Variants in SEC14L1 observed in about 807,000 individuals in gnomAD.
SEC14L1 encodes the protein SEC14-like protein 1.
A neutral mutation model predicts 85.3 loss-of-function variants in SEC14L1; 48 were observed. That is an observed-to-expected ratio of 0.56 (90% CI 0.45 to 0.72). The LOEUF (loss-of-function observed/expected upper bound fraction) is 0.72. Among genes scored for constraint, SEC14L1 ranks in the 30% least tolerant of loss-of-function variants. SEC14L1 has a pLI of 0.00. For missense variants in SEC14L1, 682 were observed against 921.4 expected (o/e 0.74, Z 3.36); for synonymous variants, 391 against 355.5 (o/e 1.10, Z -1.12).
At chr17:77,089,472 A>C (rs201524670) in intron 2 of SEC14L1, 9 of 518,726 alleles carry the variant, frequency 1.7e-5, no homozygotes, top group Non-Finnish European at 1.5e-5. Context: ...TTTGATGATC[A>C]TGTATGATAC....
intron 9 of SEC14L1, among the ~76,000 whole-genome samples, chr17:77,203,064 T>A (rs1296101680): frequency 1.3e-5 from 2 of 152,182 alleles, no homozygotes; most frequent in Non-Finnish European, 2.9e-5. Flanking sequence ...TTAAAAAGCT[T>A]TCATTCAGTT....
chr17:77,096,359 C>T (rs1295127117), intron 3 of SEC14L1, among the ~76,000 whole-genome samples: 2 of 144,568 alleles, frequency 1.4e-5, no homozygotes. Flanking sequence ...GAGTTCGAGA[C>T]CAGCCTGGCC....
intron 3 of SEC14L1, among the ~76,000 whole-genome samples, chr17:77,117,703 C>A (rs903389198): frequency 2.0e-5 from 3 of 152,212 alleles, no homozygotes; most frequent in Non-Finnish European, 4.4e-5. Flanking sequence ...ATAAGAAAGT[C>A]TTTCATTCCA....
intron 3 of SEC14L1, among the ~76,000 whole-genome samples, chr17:77,097,531 T>C (rs574650796): frequency 6.7e-6 from 1 of 148,420 alleles, no homozygotes; most frequent in Middle Eastern, 3.5e-3. Flanking sequence ...GCCACTGCAC[T>C]CCAGCCTGGC....
intron 3 of SEC14L1, chr17:77,144,594 CAG>C (rs893886983): frequency 5.3e-5 from 8 of 152,148 alleles, no homozygotes; most frequent in African/African-American, 1.7e-4. Flanking sequence ...ATTTACATGA[CAG>C]GGTTTGTTTT....
chr17:77,182,679 G>A (rs1034715937), intron 3 of SEC14L1, among the ~76,000 whole-genome samples: 8 of 152,192 alleles, frequency 5.3e-5, no homozygotes, highest in Admixed American at 4.6e-4. Context: ...GCGTGATTAG[G>A]AAATGGCTGG....
rs115730965 is a variant in SEC14L1 at position 77,121,153 on chromosome 17, A to G, written c.-135-21493A>G. On this transcript the variant is annotated intron_variant, in intron 3 of 19. Coordinates refer to the SEC14L1 transcript ENST00000392476. ...CCTGCCAGTTACATGAGCTCTCTCT[A>G]TCTCTTCCTAAAGCCCTTCTGGCTT... Among the ~76,000 whole-genome samples, 43 of 152,234 alleles carry G rather than the reference A, an allele frequency of 2.8e-4. 1 individual carries two copies. Among genetic ancestry groups the G allele is most frequent in the African/African-American group, 8.4e-4 (35 of 41,548 alleles).
upstream of SEC14L1, chr17:77,088,716 G>A (rs1437746246): frequency 1.3e-5 from 2 of 152,288 alleles, no homozygotes; most frequent in Admixed American, 1.3e-4. Context: ...CCTGTTGGAG[G>A]GGAAACCCGC....
intron 3 of SEC14L1, among the ~76,000 whole-genome samples, chr17:77,120,464 G>A (rs906763638): frequency 6.6e-6 from 1 of 151,700 alleles, no homozygotes; most frequent in African/African-American, 2.4e-5. Context: ...CGGAGTTTCT[G>A]ATCCTTCTCT....
intron 10 of SEC14L1, among the ~76,000 whole-genome samples, chr17:77,204,417 A>G (rs1976352405): frequency 6.8e-6 from 1 of 147,838 alleles, no homozygotes; most frequent in Non-Finnish European, 1.5e-5. Flanking sequence ...ACGGGGTTTC[A>G]CCATGTTGGT....
chr17:77,156,795 C>T (rs1242283929), intron 3 of SEC14L1, among the ~76,000 whole-genome samples: 1 of 152,010 alleles, frequency 6.6e-6, no homozygotes, highest in East Asian at 1.9e-4. Context: ...TGATGCAAAT[C>T]ATGTTTTGTG....
chr17:77,162,849 G>C (rs1598326607), intron 3 of SEC14L1, among the ~76,000 whole-genome samples: 1 of 151,268 alleles, frequency 6.6e-6, no homozygotes, highest in South Asian at 2.1e-4. Flanking sequence ...AAAATGTGTT[G>C]TGGATTCTCA....
At chr17:77,180,206 C>T (rs1422827556) in intron 3 of SEC14L1, among the ~76,000 whole-genome samples, 8 of 151,588 alleles carry the variant, frequency 5.3e-5, no homozygotes, top group East Asian at 3.9e-4. Context: ...TGGTTTCAAG[C>T]GATTCTCCTG....
chr17:77,127,413 G>A (rs914916624), intron 3 of SEC14L1, among the ~76,000 whole-genome samples: 7 of 152,126 alleles, frequency 4.6e-5, no homozygotes, highest in African/African-American at 1.4e-4. Flanking sequence ...GCAGTGGCGC[G>A]ATCTCAGCTC....
chr17:77,206,504 A>G lies in SEC14L1; in HGVS notation c.1341+104A>G, dbSNP rs1288977450. ...ACCTAAAGTCTTAACTTCTTAGGAA[A>G]AAAAACAATAACATGCAAAGATATA... On this transcript the variant is annotated intron_variant, in intron 12 of 16. Transcript: ENST00000436233. The surrounding 1 kb of genome is among the most constrained non-coding windows in gnomAD (Gnocchi z 4.3). 24 of 1,374,162 alleles carry G rather than the reference A, an allele frequency of 1.7e-5. 1 individual carries two copies. The Admixed American group carries it at 3.7e-4, about 21-fold the overall frequency. 85.1% of individuals were successfully genotyped at this position (1,374,162 alleles called of 1,614,324 possible). A position where few individuals can be genotyped will look rare whatever the true frequency, so the allele number is the denominator to read the frequency against.
chr17:77,206,978 TTTTG>T lies in SEC14L1; in HGVS notation c.1476+120_1476+123del. 2.6e-6 allele frequency: 3 copies of T among 1,140,386 alleles called. No homozygotes were observed. The highest frequency in any genetic ancestry group is 3.6e-6 in the Non-Finnish European group (3 of 827,862). The allele number at this position is 1,140,386 out of a possible 1,614,324, so 70.6% of individuals were successfully genotyped here. On this transcript the variant is annotated intron_variant, in intron 13 of 16. Coordinates refer to ENST00000436233, the MANE Select transcript of SEC14L1 (RefSeq NM_001143998.2). The surrounding 1 kb of genome is among the most constrained non-coding windows in gnomAD (Gnocchi z 4.3). ...CAGTTGTTTGGATGTTTTGTTTTTG[TTTTG>T]TTTCTTTTGGCCGCCATTTCTCTGA...
chr17:77,175,016 A>G (rs1214116003), intron 3 of SEC14L1, among the ~76,000 whole-genome samples: 2 of 152,312 alleles, frequency 1.3e-5, no homozygotes, highest in African/African-American at 4.8e-5. Context: ...TGTAAGAGAA[A>G]GAGGGGATAG....
Position 77,213,831 on chromosome 17 carries a change from TG to T in SEC14L1, c.2043-84del. The T allele has an allele frequency of 6.6e-7, 1 of 1,505,062 alleles. No homozygotes were observed. The highest frequency in any genetic ancestry group is 9.2e-7 in the Non-Finnish European group (1 of 1,083,594). 93.2% of individuals were successfully genotyped at this position (1,505,062 alleles called of 1,614,324 possible). A position where few individuals can be genotyped will look rare whatever the true frequency, so the allele number is the denominator to read the frequency against. On this transcript the variant is annotated intron_variant, in intron 16 of 16. Coordinates refer to ENST00000436233, the MANE Select transcript of SEC14L1 (RefSeq NM_001143998.2). The surrounding 1 kb of genome is among the most constrained non-coding windows in gnomAD (Gnocchi z 7.1). The stretch of plus-strand genomic sequence containing the variant: ...GATGAGAAGTGAGCAGAGAACAGGG[TG>T]GGCCACGAAGTCCAGCAGGCAGTGT...
chr17:77,143,387 T>C (rs1275082761), intron 2 of SEC14L1, among the ~76,000 whole-genome samples, 180 bp from the exon 3 acceptor site: 1 of 152,216 alleles, frequency 6.6e-6, no homozygotes, highest in Non-Finnish European at 1.5e-5. Context: ...TCTTATTGTT[T>C]AATTACCTCC....
Sources: gnomAD v4.1 joint callset for allele counts (sites outside exome capture counted in the v4.1 genomes callset) on GRCh38, gnomAD v4.1.1 for gene constraint, Gnocchi (gnomAD v3.1) non-coding constraint, MANE v1.5 for transcripts, NCBI Gene and HGNC (gene_info 2026-07-23, HGNC 2026-07-21) for gene names.